The following ANAPC1 variants were observed in gnomAD, a reference collection of about 807,000 sequenced individuals.
ANAPC1 encodes the protein anaphase-promoting complex subunit 1.
In ANAPC1, 36 loss-of-function variants were observed where a neutral mutation model predicts 208.0. The observed-to-expected ratio is 0.17, with a 90% CI of 0.13 to 0.23. The LOEUF is 0.23. ANAPC1 is among the 10% of genes least tolerant of loss of function. ANAPC1 has a pLI of 1.00. For missense variants in ANAPC1, 942 were observed against 2,011.6 expected (o/e 0.47, Z 10.17); for synonymous variants, 378 against 695.2 (o/e 0.54, Z 7.18).
chr2:111,833,260 C>A lies in ANAPC1; in HGVS notation c.2436G>T (p.Thr812=), dbSNP rs776174982. The change falls in exon 20 of 48, where the codon ACG becomes ACT. Residue 812 remains threonine (T), a synonymous_variant. Transcript: ENST00000341068. ...ACACTTGTCCAGTAGTTCTGACAAG[C>A]GTTGGGTAGTCTCTATAGTAATGAT... is the stretch of plus-strand genomic sequence containing the variant. ...YVDHYYRDYP[T]LVRTTGQVCT... is the part of the protein sequence containing the mutation. 1.2e-6 allele frequency: 2 copies of A among 1,603,004 alleles called. No individual in the cohort carries two copies. Among genetic ancestry groups the A allele is most frequent in the South Asian group, 1.1e-5 (1 of 89,936 alleles).
rs1677642439 is a variant in ANAPC1, at chr2:111,787,753, G to GT, written c.4799+480dup. 4.0e-5 allele frequency among the ~76,000 whole-genome samples: 6 copies of GT among 149,988 alleles called. No homozygotes were observed. The South Asian group carries it at 1.3e-3, about 32-fold the overall frequency. On this transcript the variant is annotated intron_variant, in intron 39 of 47. Coordinates refer to ENST00000341068, the MANE Select transcript of ANAPC1 (RefSeq NM_022662.4). ...CACTGCCACTTCTAAATTGTCTCTG[G>GT]TTTTTTGCTGTATTTTGCTTTTCTT...
chr2:111,836,704 C>T (rs1680488591), intron 18 of ANAPC1, among the ~76,000 whole-genome samples: 1 of 151,722 alleles, frequency 6.6e-6, no homozygotes, highest in Non-Finnish European at 1.5e-5. Context: ...CATGGTGGCT[C>T]ACACCTGTAA....
chr2:111,880,248 T>C (rs1408150054), intron 2 of ANAPC1, among the ~76,000 whole-genome samples: 1 of 151,960 alleles, frequency 6.6e-6, no homozygotes, highest in Non-Finnish European at 1.5e-5. Flanking sequence ...GGTGCATGCC[T>C]GTAATCCCAG....
intron 42 of ANAPC1, among the ~76,000 whole-genome samples, chr2:111,783,453 T>C (rs1677392189): frequency 6.6e-6 from 1 of 151,396 alleles, no homozygotes; most frequent in South Asian, 2.1e-4. Flanking sequence ...TTGCTTCCCC[T>C]TTGCCTTCTG....
At chr2:111,787,113 CA>C (rs1677598226) in intron 39 of ANAPC1, among the ~76,000 whole-genome samples, 1 of 141,916 alleles carries the variant, frequency 7.0e-6, no homozygotes, top group Non-Finnish European at 1.5e-5. Context: ...CACGCCACTG[CA>C]CTTCAGCCTG....
intron 27 of ANAPC1, among the ~76,000 whole-genome samples, chr2:111,816,957 A>G (rs1427767640): frequency 1.2e-5 from 1 of 85,464 alleles, no homozygotes; most frequent in East Asian, 2.9e-4. Context: ...ATCAATATGA[A>G]AAAACTGAGT....
chr2:111,810,399 G>C (rs1396454942), intron 28 of ANAPC1, among the ~76,000 whole-genome samples: 1 of 152,040 alleles, frequency 6.6e-6, no homozygotes, highest in African/African-American at 2.4e-5. Flanking sequence ...AGTGGTGATG[G>C]ATGTACAACT....
In ANAPC1 at chr2:111,769,238, C is replaced by CA; in HGVS notation, c.*52dup. Reference sequence around the variant, plus strand: ...CATTGCTTTAGCTTTGATGTTTGGTCACGTTTGTTGTGCAGAAGTCACGTT... The same window carrying CA: ...CATTGCTTTAGCTTTGATGTTTGGTCAACGTTTGTTGTGCAGAAGTCACGTT... On this transcript the variant is annotated 3_prime_UTR_variant, in exon 48 of 48. Coordinates refer to ENST00000341068, the MANE Select transcript of ANAPC1 (RefSeq NM_022662.4). 3 of 1,608,592 alleles carry CA rather than the reference C, an allele frequency of 1.9e-6. No homozygotes were observed. The East Asian group carries it at 6.7e-5, about 36-fold the overall frequency.
At chr2:111,863,926 A>T (rs1448952270) in intron 8 of ANAPC1, 31 bp from the exon 9 acceptor site, 8 of 1,542,578 alleles carry the variant, frequency 5.2e-6, no homozygotes, top group Non-Finnish European at 7.0e-6. Flanking sequence ...AAGAGGAAAA[A>T]AAAAAAAACA....
intron 21 of ANAPC1, among the ~76,000 whole-genome samples, chr2:111,829,577 G>A (rs531142377): frequency 6.6e-5 from 10 of 152,072 alleles, no homozygotes; most frequent in Non-Finnish European, 7.4e-5. Context: ...CTTATTCACC[G>A]TTACAGCCCT....
At chr2:111,781,882 C>T (rs1353542870) in intron 43 of ANAPC1, among the ~76,000 whole-genome samples, 31 of 152,384 alleles carry the variant, frequency 2.0e-4, no homozygotes, top group African/African-American at 6.7e-4. Context: ...CACTGGCAGT[C>T]GAGTACTGTG....
At chr2:111,806,773 G>A (rs1678698233) in intron 29 of ANAPC1, among the ~76,000 whole-genome samples, 1 of 152,052 alleles carries the variant, frequency 6.6e-6, no homozygotes, top group Non-Finnish European at 1.5e-5. Flanking sequence ...ACTTTTAAAA[G>A]GCACCCTATA....
At chr2:111,883,101 G>A (rs1683402440) in intron 1 of ANAPC1, among the ~76,000 whole-genome samples, 1 of 149,080 alleles carries the variant, frequency 6.7e-6, no homozygotes, top group Non-Finnish European at 1.5e-5. Flanking sequence ...GGGAGCCAGA[G>A]GTTACAGTGA....
chr2:111,795,848 C>T (rs1678137102), intron 34 of ANAPC1, among the ~76,000 whole-genome samples: 1 of 151,326 alleles, frequency 6.6e-6, no homozygotes, highest in South Asian at 2.1e-4. Context: ...CTAATGTTTG[C>T]TAAACATATG....
chr2:111,868,129 A>C, intron 6 of ANAPC1, 33 bp from the exon 7 acceptor site: 1 of 1,493,608 alleles, frequency 6.7e-7, no homozygotes. Flanking sequence ...TTAATTACCA[A>C]TACGAGTATG....
intron 13 of ANAPC1, among the ~76,000 whole-genome samples, chr2:111,855,850 T>A (rs1371914590): frequency 6.6e-6 from 1 of 152,156 alleles, no homozygotes; most frequent in Non-Finnish European, 1.5e-5. Context: ...AATATTCACT[T>A]CATTATTATT....
Position 111,824,600 on chromosome 2 carries a change from T to C in ANAPC1, c.2812+366A>G, listed in dbSNP as rs529589981. 3.8e-3 allele frequency among the ~76,000 whole-genome samples: 577 copies of C among 152,290 alleles called. 3 individuals carry two copies. The highest frequency in any genetic ancestry group is 0.011 in the African/African-American group (442 of 41,550). On this transcript the variant is annotated intron_variant, in intron 24 of 47. Coordinates refer to ENST00000341068, the MANE Select transcript of ANAPC1 (RefSeq NM_022662.4). The stretch of plus-strand genomic sequence containing the variant: ...GTATACCCTGAAATGTTTATATTAT[T>C]GCTTTTAGACTTTGCCAAAACCACC...
At chr2:111,878,603 G>C (rs919076585) in intron 3 of ANAPC1, among the ~76,000 whole-genome samples, 4 of 152,120 alleles carry the variant, frequency 2.6e-5, no homozygotes, top group African/African-American at 9.7e-5. Context: ...TGACAAAGAA[G>C]AGTGTAAAAA....
rs191877875 is a variant in ANAPC1 at position 111,837,096 on chromosome 2, T to C, written c.2115+1342A>G. On this transcript the variant is annotated intron_variant, in intron 18 of 47. Transcript: ENST00000341068. ...TAGATATCTACCAGCAGAAGAAGGATAGATAAACAAACCATGGTATATTCA... is the reference window on the plus strand; with the variant it reads ...TAGATATCTACCAGCAGAAGAAGGACAGATAAACAAACCATGGTATATTCA... 1.7e-4 allele frequency among the ~76,000 whole-genome samples: 25 copies of C among 150,112 alleles called. No individual in the cohort carries two copies. The East Asian group carries it at 4.1e-3, about 25-fold the overall frequency.
Sources: gnomAD v4.1 joint callset for allele counts (sites outside exome capture counted in the v4.1 genomes callset) on GRCh38, gnomAD v4.1.1 for gene constraint, MANE v1.5 for transcripts, NCBI Gene and HGNC (gene_info 2026-07-23, HGNC 2026-07-21) for gene names.